Variants in LMO7 observed in about 807,000 individuals in gnomAD.
LMO7 encodes LIM domain only protein 7.
LMO7 carries 120 observed loss-of-function variants against 206.5 expected under a neutral mutation model. That is an observed-to-expected ratio of 0.58 (90% CI 0.50 to 0.68). The LOEUF (loss-of-function observed/expected upper bound fraction) is 0.68. Among genes scored for constraint, LMO7 ranks in the 30% least tolerant of loss-of-function variants. The probability of loss-of-function intolerance (pLI) is 0.00; values close to 1 mark genes in which losing one functional copy is unlikely to be tolerated. For synonymous variants in LMO7, 706 were observed against 681.5 expected (o/e 1.04, Z -0.56); for missense variants, 1,959 against 1,957.9 (o/e 1.00, Z -0.01).
intron 1 of LMO7, among the ~76,000 whole-genome samples, chr13:75,672,578 G>A (rs2039680399): frequency 6.6e-6 from 1 of 152,090 alleles, no homozygotes; most frequent in African/African-American, 2.4e-5. Context: ...GTAATTATAA[G>A]CAATGCTTTG....
intron 3 of LMO7, chr13:75,760,588 A>C: frequency 7.3e-7 from 1 of 1,363,006 alleles, no homozygotes. Context: ...AGCTGGAAAG[A>C]GGGCGTTTGT....
At position 75,700,691 on chromosome 13, in the gene LMO7, G is replaced by A. The variant is rs565530272; in HGVS notation, c.70-12491G>A. On this transcript the variant is annotated intron_variant, in intron 1 of 30. Coordinates refer to ENST00000377534, the MANE Select transcript of LMO7 (RefSeq NM_001306080.2). The stretch of plus-strand genomic sequence containing the variant: ...AACACAAACACTGTGGTCAACAGCC[G>A]ATCTGCAAACCAAGAAGACTGCTAA... Among the ~76,000 whole-genome samples, 100 of 152,294 alleles carry A rather than the reference G, an allele frequency of 6.6e-4. 2 individuals carry two copies. The highest frequency in any genetic ancestry group is 2.0e-4 in the Admixed American group (3 of 15,300).
chr13:75,700,074 CAG>C (rs1490800909), intron 1 of LMO7, among the ~76,000 whole-genome samples: 5 of 152,220 alleles, frequency 3.3e-5, no homozygotes, highest in African/African-American at 1.2e-4. Flanking sequence ...CCCGGCCCTG[CAG>C]GCAGTCAGGC....
intron 3 of LMO7, among the ~76,000 whole-genome samples, chr13:75,734,669 T>G (rs1476975988): frequency 6.6e-6 from 1 of 152,242 alleles, no homozygotes; most frequent in Non-Finnish European, 1.5e-5. Flanking sequence ...AAATTTTTAA[T>G]AATTTTATTT....
chr13:75,737,764 A>AAAT (rs1355097567), intron 3 of LMO7, among the ~76,000 whole-genome samples: 620 of 26,746 alleles, frequency 0.023, 23 homozygotes, highest in African/African-American at 0.088. Context: ...AAAAAAAAAA[A>AAAT]AATAAAATAA....
chr13:75,782,613 GATGTC>G (rs1450410529), intron 4 of LMO7, among the ~76,000 whole-genome samples: 59 of 152,310 alleles, frequency 3.9e-4, no homozygotes, highest in African/African-American at 1.2e-3. Context: ...CATGTCTCTA[GATGTC>G]ATGTCTAAAA....
At chr13:75,711,984 C>T (rs1342825839) in intron 1 of LMO7, among the ~76,000 whole-genome samples, 1 of 152,236 alleles carries the variant, frequency 6.6e-6, no homozygotes, top group Admixed American at 6.5e-5. Flanking sequence ...CTGGCCCAGG[C>T]TCCTGTCCAA....
intron 3 of LMO7, among the ~76,000 whole-genome samples, chr13:75,745,470 ATAAACT>A (rs1406969480): frequency 1.3e-5 from 2 of 152,214 alleles, no homozygotes; most frequent in African/African-American, 2.4e-5. Flanking sequence ...TATGTGAAAA[ATAAACT>A]TAAAGAAATC....
At chr13:75,642,681 G>A (rs927757938) in intron 1 of LMO7, among the ~76,000 whole-genome samples, 2 of 152,032 alleles carry the variant, frequency 1.3e-5, no homozygotes, top group African/African-American at 4.8e-5. Context: ...TGAAAAAAAC[G>A]GTTCTTGATA....
At chr13:75,824,818 AGT>A (rs539466794) in intron 15 of LMO7, among the ~76,000 whole-genome samples, 2 of 151,572 alleles carry the variant, frequency 1.3e-5, no homozygotes, top group African/African-American at 4.8e-5. Flanking sequence ...TTAGTATTAG[AGT>A]GTGTGTGTGT....
chr13:75,638,737 C>T (rs1362976808), intron 1 of LMO7, among the ~76,000 whole-genome samples: 1 of 152,128 alleles, frequency 6.6e-6, no homozygotes, highest in Non-Finnish European at 1.5e-5. Context: ...ATCTATCTCT[C>T]TTGTCAGCTT....
intron 25 of LMO7, among the ~76,000 whole-genome samples, chr13:75,843,797 G>A (rs1479451307): frequency 3.9e-5 from 6 of 152,174 alleles, no homozygotes; most frequent in African/African-American, 1.4e-4. Context: ...CCATTACCTT[G>A]TGTTTTCAGA....
Position 75,849,284 on chromosome 13 carries a change from C to G in LMO7, c.4356C>G (p.Ile1452Met). 1 of 1,613,074 alleles carries G rather than the reference C, an allele frequency of 6.2e-7. No homozygotes were observed. The highest frequency in any genetic ancestry group is 8.5e-7 in the Non-Finnish European group (1 of 1,179,088). ...AAGAGCCTGTTAGTCTTCCTGGGATCATGAGAAGGTGCGAGACATCTTAGG... is the reference window on the plus strand; with the variant it reads ...AAGAGCCTGTTAGTCTTCCTGGGATGATGAGAAGGTGCGAGACATCTTAGG... ...VNKEPVSLPGIMRRGESLDNL... is the reference protein window; with the variant it reads ...VNKEPVSLPGMMRRGESLDNL... Residue 1452 changes from isoleucine (I) to methionine (M), a missense_variant, in exon 27 of 31, where the codon ATC (isoleucine) becomes ATG (methionine). By Grantham distance (10) the Ile-to-Met change is conservative. Transcript: ENST00000377534.
intron 4 of LMO7, among the ~76,000 whole-genome samples, chr13:75,768,903 C>T (rs551159056): frequency 6.6e-6 from 1 of 152,014 alleles, no homozygotes; most frequent in Admixed American, 6.6e-5. Flanking sequence ...AATGCTATTA[C>T]ACTAACAACA....
chr13:75,796,693 G>A lies in LMO7; in HGVS notation c.406G>A (p.Gly136Ser), dbSNP rs1212359785. 1 of 1,613,500 alleles carries A rather than the reference G, an allele frequency of 6.2e-7. No homozygotes were observed. The highest frequency in any genetic ancestry group is 1.7e-5 in the Admixed American group (1 of 59,978). ...RKAQSNPYYNGPHLNLKAFEN... is the reference protein window; with the variant it reads ...RKAQSNPYYNSPHLNLKAFEN... Reference sequence around the variant, plus strand: ...AGCACAAAGCAACCCGTACTATAATGGTCCCCATCTTAATTTGAAAGCGTT... The same window carrying A: ...AGCACAAAGCAACCCGTACTATAATAGTCCCCATCTTAATTTGAAAGCGTT... Residue 136 changes from glycine (G) to serine (S), a missense_variant, in exon 6 of 31, where the codon GGT becomes AGT. Coordinates refer to ENST00000377534, the MANE Select transcript of LMO7 (RefSeq NM_001306080.2).
intron 3 of LMO7, among the ~76,000 whole-genome samples, chr13:75,740,138 C>T (rs2046298598): frequency 6.6e-6 from 1 of 152,156 alleles, no homozygotes; most frequent in Admixed American, 6.5e-5. Context: ...GGATGAGTTA[C>T]AGGAATAAGC....
chr13:75,633,008 G>A (rs2035189278), upstream of LMO7, among the ~76,000 whole-genome samples: 1 of 151,418 alleles, frequency 6.6e-6, no homozygotes, highest in Non-Finnish European at 1.5e-5. Flanking sequence ...ATTACAGGTG[G>A]CTGCCACCAC....
intron 19 of LMO7, among the ~76,000 whole-genome samples, chr13:75,837,567 G>T (rs2059230281): frequency 6.6e-6 from 1 of 152,082 alleles, no homozygotes; most frequent in South Asian, 2.1e-4. Context: ...TGTTTTCTTG[G>T]TGGAACTCCA....
intron 2 of LMO7, among the ~76,000 whole-genome samples, chr13:75,717,380 A>AAC (rs1555300788): frequency 1.5e-4 from 22 of 148,608 alleles, no homozygotes; most frequent in African/African-American, 1.7e-4. Context: ...AAAAAAAAAA[A>AAC]ACACACAAAC....
Sources: gnomAD v4.1 joint callset for allele counts (sites outside exome capture counted in the v4.1 genomes callset) on GRCh38, gnomAD v4.1.1 for gene constraint, MANE v1.5 for transcripts, NCBI Gene and HGNC (gene_info 2026-07-23, HGNC 2026-07-21) for gene names.